Variants in CRYM observed in about 807,000 individuals in gnomAD.
The protein encoded by CRYM is ketimine reductase mu-crystallin.
Under a neutral mutation model 32.9 loss-of-function variants are expected in CRYM, and 18 were observed. The ratio of observed to expected loss-of-function variants is 0.55; its 90% CI spans 0.38 to 0.81. CRYM has a LOEUF of 0.81. CRYM is among the 30% of genes least tolerant of loss of function. The pLI is 0.00. For synonymous variants in CRYM, 153 were observed against 152.4 expected, an observed-to-expected ratio of 1.00 and a Z score of -0.03; for missense variants, 337 against 393.5, an observed-to-expected ratio of 0.86 and a Z score of 1.21.
At chr16:21,276,609 G>C (rs2093387093) in intron 2 of CRYM, among the ~76,000 whole-genome samples, 1 of 152,174 alleles carries the variant, frequency 6.6e-6, no homozygotes, top group African/African-American at 2.4e-5. Context: ...AGAAATTGGG[G>C]GGAAGGGGAG....
intron 1 of CRYM, among the ~76,000 whole-genome samples, chr16:21,292,985 CGGAT>C (rs1173051587): frequency 6.7e-6 from 1 of 150,284 alleles, no homozygotes; most frequent in Non-Finnish European, 1.5e-5. Flanking sequence ...GATGGATGAA[CGGAT>C]GGATGGATGA....
At chr16:21,282,043 C>T (rs911115006), upstream of CRYM, among the ~76,000 whole-genome samples, 3 of 152,230 alleles carry the variant, frequency 2.0e-5, no homozygotes, top group Non-Finnish European at 2.9e-5. Flanking sequence ...ATTCCCACAT[C>T]TTGTGGGAGG....
intron 1 of CRYM, chr16:21,300,711 T>C (rs575127920): frequency 6.6e-6 from 1 of 152,364 alleles, no homozygotes; most frequent in African/African-American, 2.4e-5. Flanking sequence ...TGTCCTGCAG[T>C]GTTCCTCTTG....
chr16:21,294,447 C>T (rs564649138), intron 1 of CRYM, among the ~76,000 whole-genome samples: 1 of 152,118 alleles, frequency 6.6e-6, no homozygotes, highest in African/African-American at 2.4e-5. Context: ...AACCTATCAT[C>T]TAGGTTTTAA....
At chr16:21,296,293 G>T (rs1307295685) in intron 1 of CRYM, among the ~76,000 whole-genome samples, 1 of 152,018 alleles carries the variant, frequency 6.6e-6, no homozygotes, top group Non-Finnish European at 1.5e-5. Flanking sequence ...CTAATAGTGT[G>T]GAAAGTGTAA....
chr16:21,261,205 C>G, intron 7 of CRYM, 49 bp downstream of exon 7: 1 of 1,435,462 alleles, frequency 7.0e-7, no homozygotes, highest in Non-Finnish European at 9.8e-7. Flanking sequence ...ATGGGTGAAC[C>G]TGCCTTGTGC....
At chr16:21,288,247 T>C (rs1343666260) in intron 1 of CRYM, among the ~76,000 whole-genome samples, 1 of 152,232 alleles carries the variant, frequency 6.6e-6, no homozygotes, top group Non-Finnish European at 1.5e-5. Context: ...CCCAACCTTT[T>C]CTTTGCTGAG....
At chr16:21,267,464 T>A (rs1053378259) in intron 5 of CRYM, 90 bp downstream of exon 5, 26 of 1,359,504 alleles carry the variant, frequency 1.9e-5, no homozygotes, top group African/African-American at 2.9e-5. Context: ...TCTGCATGAA[T>A]AAACTGGCTC....
chr16:21,272,393 T>A (rs1252112864), intron 3 of CRYM, among the ~76,000 whole-genome samples: 1 of 152,182 alleles, frequency 6.6e-6, no homozygotes, highest in East Asian at 1.9e-4. Flanking sequence ...GCACTTCCTG[T>A]CTTCCAGCCA....
At chr16:21,281,931 C>T (rs550884820), upstream of CRYM, among the ~76,000 whole-genome samples, 15 of 152,144 alleles carry the variant, frequency 9.9e-5, no homozygotes, top group Non-Finnish European at 1.3e-4. Flanking sequence ...AGCTCCTACC[C>T]CAACCCTCCT....
rs375710034 is a variant in CRYM, at chr16:21,287,729, G to A, written c.-192-8769C>T. 1.1e-4 allele frequency among the ~76,000 whole-genome samples: 16 copies of A among 152,338 alleles called. No individual in the cohort carries two copies. The South Asian group carries it at 2.9e-3, about 28-fold the overall frequency. ...GGGTTGGTGAACCCATCGGTGTGCT[G>A]GGAGGGTGGCACACTGGAGAGGGCA... On this transcript the variant is annotated intron_variant, in intron 1 of 9. Coordinates refer to the CRYM transcript ENST00000219599.
intron 7 of CRYM, 136 bp downstream of exon 7, chr16:21,261,118 C>T (rs1365163015): frequency 1.2e-5 from 9 of 764,462 alleles, no homozygotes; most frequent in African/African-American, 1.7e-5. Flanking sequence ...TAGGCTAAAC[C>T]ATGTAAATAA....
chr16:21,292,339 A>C (rs1479202403), intron 1 of CRYM, among the ~76,000 whole-genome samples: 2 of 152,192 alleles, frequency 1.3e-5, no homozygotes, highest in Admixed American at 1.3e-4. Flanking sequence ...TGAAATACAT[A>C]AAACATTTAG....
intron 6 of CRYM, 123 bp downstream of exon 6, chr16:21,261,914 C>G: frequency 1.7e-6 from 2 of 1,212,098 alleles, no homozygotes; most frequent in East Asian, 4.7e-5. Flanking sequence ...GCTCCTTCCC[C>G]TACAAGGAGG....
At chr16:21,296,171 C>T (rs1008589232) in intron 1 of CRYM, among the ~76,000 whole-genome samples, 3 of 152,162 alleles carry the variant, frequency 2.0e-5, no homozygotes, top group South Asian at 2.1e-4. Flanking sequence ...CTCTTGACCT[C>T]GAGTGATCCA....
chr16:21,290,154 C>A (rs748099760), intron 1 of CRYM, among the ~76,000 whole-genome samples: 1 of 152,140 alleles, frequency 6.6e-6, no homozygotes, highest in African/African-American at 2.4e-5. Context: ...GTGGCAATGT[C>A]GGATCCCCTT....
chr16:21,282,562 T>C (rs574320969), upstream of CRYM, among the ~76,000 whole-genome samples: 1 of 152,334 alleles, frequency 6.6e-6, no homozygotes, highest in Non-Finnish European at 1.5e-5. Flanking sequence ...CCCGATTAAA[T>C]AGAAATCTTA....
At chr16:21,279,671 G>A (rs563459375), upstream of CRYM, among the ~76,000 whole-genome samples, 2 of 152,332 alleles carry the variant, frequency 1.3e-5, no homozygotes, top group African/African-American at 2.4e-5. Flanking sequence ...ACAGATGAGC[G>A]AGAGCAGAGC....
At chr16:21,271,712 T>C (rs1195518193) in intron 3 of CRYM, among the ~76,000 whole-genome samples, 1 of 152,250 alleles carries the variant, frequency 6.6e-6, no homozygotes, top group African/African-American at 2.4e-5. Context: ...AATATGAATC[T>C]ATTCTTGAAA....
Sources: allele counts gnomAD v4.1 joint callset (sites outside exome capture counted in the v4.1 genomes callset), GRCh38; gene constraint gnomAD v4.1.1; transcripts MANE v1.5; gene names NCBI Gene and HGNC (gene_info 2026-07-23, HGNC 2026-07-21).